MYO16: variants seen among roughly 807,000 people sequenced by gnomAD.
MYO16 encodes unconventional myosin-XVI.
MYO16 carries 94 observed loss-of-function variants against 205.3 expected under a neutral mutation model. The observed-to-expected ratio is 0.46, with a 90% confidence interval of 0.39 to 0.54. MYO16 has a LOEUF of 0.54. MYO16 is among the 20% of genes least tolerant of loss of function. MYO16 has a pLI of 0.00. For synonymous variants in MYO16, 988 were observed against 954.0 expected (o/e 1.04, Z -0.66); for missense variants, 2,315 against 2,387.5 (o/e 0.97, Z 0.63).
chr13:108,638,347 G>A (rs543836843), intron 1 of MYO16, among the ~76,000 whole-genome samples: 5 of 151,500 alleles, frequency 3.3e-5, no homozygotes, highest in South Asian at 4.2e-4. Context: ...TTTTTATTTC[G>A]GAGTTACTTA....
chr13:108,727,392 T>C (rs1479826638), intron 3 of MYO16, 48 bp from the exon 4 acceptor site: 1 of 1,583,860 alleles, frequency 6.3e-7, no homozygotes, highest in African/African-American at 1.3e-5. Flanking sequence ...GAATAAGCCA[T>C]ATCACAGTTT....
At chr13:108,917,964 C>T (rs7985345) in intron 16 of MYO16, among the ~76,000 whole-genome samples, 57,654 of 152,048 alleles carry the variant, frequency 0.38, 11,247 homozygotes, top group African/African-American at 0.44. Flanking sequence ...GTGTTGCAGA[C>T]GAAGTGACTG....
intron 17 of MYO16, among the ~76,000 whole-genome samples, chr13:108,959,748 G>A (rs1268393114): frequency 6.6e-6 from 1 of 152,162 alleles, no homozygotes; most frequent in Non-Finnish European, 1.5e-5. Flanking sequence ...GGCAGGGATG[G>A]CTGCTCACTA....
chr13:108,819,522 A>T (rs927023466), intron 7 of MYO16, among the ~76,000 whole-genome samples: 1 of 152,170 alleles, frequency 6.6e-6, no homozygotes, highest in South Asian at 2.1e-4. Flanking sequence ...AGAGAGAAAC[A>T]TAGTTTTGGG....
At chr13:108,852,479 A>G (rs1340466539) in intron 10 of MYO16, among the ~76,000 whole-genome samples, 1 of 152,228 alleles carries the variant, frequency 6.6e-6, no homozygotes, top group Non-Finnish European at 1.5e-5. Context: ...TAAGTTCTTC[A>G]TCCTTTAAAT....
intron 1 of MYO16, among the ~76,000 whole-genome samples, chr13:108,600,978 T>C (rs138431704): frequency 1.7e-4 from 26 of 152,208 alleles, no homozygotes; most frequent in African/African-American, 5.3e-4. Context: ...GAAAGAAATA[T>C]GAAGAGAGAG....
intron 1 of MYO16, among the ~76,000 whole-genome samples, chr13:108,655,735 T>C (rs1041587275): frequency 4.6e-5 from 7 of 152,180 alleles, no homozygotes; most frequent in Non-Finnish European, 8.8e-5. Flanking sequence ...TATGGGAACC[T>C]ACCTCTTGCA....
upstream of MYO16, among the ~76,000 whole-genome samples, chr13:108,624,672 C>G (rs1879664822): frequency 2.0e-5 from 3 of 152,200 alleles, no homozygotes; most frequent in East Asian, 5.8e-4. Flanking sequence ...CCCAGTTTAA[C>G]TGGTCCTCAC....
At chr13:108,920,644 A>G (rs890566843) in intron 16 of MYO16, among the ~76,000 whole-genome samples, 5 of 152,044 alleles carry the variant, frequency 3.3e-5, no homozygotes, top group Non-Finnish European at 7.4e-5. Flanking sequence ...TTATTAGTAG[A>G]GACGGGGTTT....
At chr13:109,043,389 TTGTGCGTGTGTGTGCATGTG>T (rs1886940658) in intron 23 of MYO16, among the ~76,000 whole-genome samples, 1 of 151,958 alleles carries the variant, frequency 6.6e-6, no homozygotes, top group South Asian at 2.1e-4. Context: ...GATGGTCCAG[TTGTGCGTGTGTGTGCATGTG>T]TGTGCGTGTG....
chr13:108,907,138 T>C (rs1010619933), intron 15 of MYO16, among the ~76,000 whole-genome samples: 2 of 152,104 alleles, frequency 1.3e-5, no homozygotes, highest in East Asian at 1.9e-4. Context: ...TGGAAGTCAA[T>C]GGGAAGAACA....
At chr13:109,121,006 A>G (rs1367204146) in intron 29 of MYO16, among the ~76,000 whole-genome samples, 1 of 152,118 alleles carries the variant, frequency 6.6e-6, no homozygotes, top group African/African-American at 2.4e-5. Context: ...CCGTGTTTCT[A>G]CCACTGCACA....
chr13:109,010,356 C>T (rs1456451570), intron 22 of MYO16, among the ~76,000 whole-genome samples: 1 of 152,106 alleles, frequency 6.6e-6, no homozygotes, highest in Non-Finnish European at 1.5e-5. Flanking sequence ...TCTTTTATTG[C>T]TTTATTTCAG....
At chr13:109,017,815 A>G (rs9583318) in intron 22 of MYO16, among the ~76,000 whole-genome samples, 3 of 152,112 alleles carry the variant, frequency 2.0e-5, no homozygotes, top group African/African-American at 7.2e-5. Flanking sequence ...CAGCTCCATC[A>G]GGTCATTTAA....
intron 1 of MYO16, among the ~76,000 whole-genome samples, chr13:108,658,457 TG>T (rs893063797): frequency 2.0e-5 from 3 of 151,386 alleles, no homozygotes; most frequent in Non-Finnish European, 2.9e-5. Context: ...TGTGTGTGTG[TG>T]TTTTCTAAAT....
intron 16 of MYO16, among the ~76,000 whole-genome samples, chr13:108,942,151 A>G (rs1054481340): frequency 2.0e-5 from 3 of 152,210 alleles, no homozygotes; most frequent in Non-Finnish European, 4.4e-5. Flanking sequence ...CTGGTGCTTC[A>G]TTTAACTCTT....
chr13:109,093,665 C>A (rs571952477), intron 27 of MYO16, among the ~76,000 whole-genome samples: 1 of 152,156 alleles, frequency 6.6e-6, no homozygotes, highest in African/African-American at 2.4e-5. Context: ...CTCTTCCTGT[C>A]GTAGCCACGT....
chr13:109,112,908 A>T (rs777195690), intron 28 of MYO16, among the ~76,000 whole-genome samples: 5 of 152,210 alleles, frequency 3.3e-5, no homozygotes, highest in Non-Finnish European at 5.9e-5. Context: ...TGAGCTTTAT[A>T]CTTTTCCAAC....
intron 9 of MYO16, among the ~76,000 whole-genome samples, chr13:108,832,182 G>A (rs1034639361): frequency 8.4e-5 from 11 of 130,354 alleles, no homozygotes; most frequent in African/African-American, 2.9e-4. Flanking sequence ...TCGCTCTATC[G>A]CCCAGGCTGG....
Sources: allele counts gnomAD v4.1 joint callset (sites outside exome capture counted in the v4.1 genomes callset), GRCh38; gene constraint gnomAD v4.1.1; transcripts MANE v1.5; gene names NCBI Gene and HGNC (gene_info 2026-07-23, HGNC 2026-07-21).